The following KDM2A variants were observed in gnomAD, a reference collection of about 807,000 sequenced individuals.
The protein encoded by KDM2A is lysine demethylase 2A, also known as lysine-specific demethylase 2A.
In KDM2A, 3 loss-of-function variants were observed where a neutral mutation model predicts 137.3. That is an observed-to-expected ratio of 0.02 (90% confidence interval 0.01 to 0.06). The LOEUF is 0.06. Ranked by LOEUF, KDM2A falls within the 10% of genes least tolerant of loss-of-function variation. KDM2A has a pLI of 1.00. For missense variants in KDM2A, 738 were observed against 1,510.6 expected (o/e 0.49, Z 8.48); for synonymous variants, 512 against 541.5 (o/e 0.95, Z 0.76).
chr11:67,245,868 T>C lies in KDM2A; in HGVS notation c.1834-117T>C. 4.9e-6 allele frequency: 6 copies of C among 1,225,526 alleles called. No individual in the cohort carries two copies. In the South Asian group the frequency reaches 7.3e-5, roughly 15 times the overall value. The allele number at this position is 1,225,526 out of a possible 1,614,324, so 75.9% of individuals were successfully genotyped here. On this transcript the variant is annotated intron_variant, in intron 14 of 20. Transcript: ENST00000529006. This position sits in a 1 kb window ranked among gnomAD's most constrained non-coding sequence, Gnocchi z 4.1. Reference sequence around the variant, plus strand: ...CGTTCTCTCCACCCTGCCTCCATGCTTCCAGGTGTTTAGTAGAGAATTATA... The same window carrying C: ...CGTTCTCTCCACCCTGCCTCCATGCCTCCAGGTGTTTAGTAGAGAATTATA...
chr11:67,135,852 C>T (rs1039887239), intron 2 of KDM2A, among the ~76,000 whole-genome samples: 3 of 152,052 alleles, frequency 2.0e-5, no homozygotes, highest in African/African-American at 7.2e-5. Context: ...ATAAAGATGC[C>T]CTTGGAATTC....
rs752747030 is a variant in KDM2A at position 67,242,973 on chromosome 11, G to A, written c.1480-36G>A. On this transcript the variant is annotated intron_variant, in intron 12 of 20. Coordinates refer to ENST00000529006, the MANE Select transcript of KDM2A (RefSeq NM_012308.3). Reference sequence around the variant, plus strand: ...GGGTGGTTGGCTCTTTGTTCACCCTGCCCTGATTTTTCCTTCTTTTCCCTC... The same window carrying A: ...GGGTGGTTGGCTCTTTGTTCACCCTACCCTGATTTTTCCTTCTTTTCCCTC... The A allele has an allele frequency of 5.1e-6, 8 of 1,559,234 alleles. No homozygotes were observed. The African/African-American group carries it at 9.5e-5, about 19-fold the overall frequency.
At chr11:67,224,857 T>TG (rs1858487389) in intron 10 of KDM2A, among the ~76,000 whole-genome samples, 3 of 141,426 alleles carry the variant, frequency 2.1e-5, no homozygotes, top group Non-Finnish European at 4.6e-5. Flanking sequence ...TTTTTTTTTT[T>TG]GGAGACAGAG....
chr11:67,253,737 GAA>G, intron 19 of KDM2A, 126 bp downstream of exon 19: 1 of 975,244 alleles, frequency 1.0e-6, no homozygotes, highest in Non-Finnish European at 1.6e-6. Flanking sequence ...AGCACAAAAT[GAA>G]AACAGAATGA....
intron 5 of KDM2A, chr11:67,196,240 A>G (rs1405707001): frequency 4.4e-6 from 2 of 456,206 alleles, no homozygotes; most frequent in Non-Finnish European, 8.8e-6. Flanking sequence ...TGAGCCTCAG[A>G]TGCAGGCTAC....
chr11:67,149,761 C>T (rs181356248), intron 2 of KDM2A, among the ~76,000 whole-genome samples: 39 of 144,184 alleles, frequency 2.7e-4, no homozygotes, highest in African/African-American at 8.4e-4. Flanking sequence ...CTCTTTTTTG[C>T]CTAGGCTGGA....
At chr11:67,203,446 T>A (rs1169394255) in intron 5 of KDM2A, among the ~76,000 whole-genome samples, 1 of 68,452 alleles carries the variant, frequency 1.5e-5, no homozygotes, top group African/African-American at 5.7e-5. Context: ...AATATATTAA[T>A]ATAATTATAT....
intron 2 of KDM2A, among the ~76,000 whole-genome samples, chr11:67,138,248 C>T (rs1856013547): frequency 1.3e-5 from 2 of 152,072 alleles, no homozygotes; most frequent in South Asian, 4.1e-4. Flanking sequence ...TTCAGGTGCT[C>T]AAAACTTGTC....
rs35150844 is a variant in KDM2A, at chr11:67,201,193, C to CAAAA, written c.308-6309_308-6306dup. Reference sequence around the variant, plus strand: ...TGGGCGACTGAGCAAGACTCTGTCTCAAAAAAAAAAATATATATATATATA... The same window carrying CAAAA: ...TGGGCGACTGAGCAAGACTCTGTCTCAAAAAAAAAAAAAAATATATATATATATA... On this transcript the variant is annotated intron_variant, in intron 5 of 20. Transcript: ENST00000529006. Among the ~76,000 whole-genome samples the CAAAA allele has an allele frequency of 6.7e-3, 753 of 111,560 alleles. 1 individual carries two copies. Among genetic ancestry groups the CAAAA allele is most frequent in the Non-Finnish European group, 9.2e-3 (497 of 53,762 alleles). 73.2% of individuals were successfully genotyped at this position (111,560 alleles called of 152,430 possible). A position where few individuals can be genotyped will look rare whatever the true frequency, so the allele number is the denominator to read the frequency against.
At chr11:67,213,091 T>C (rs1423209176) in intron 6 of KDM2A, among the ~76,000 whole-genome samples, 1 of 152,208 alleles carries the variant, frequency 6.6e-6, no homozygotes, top group Non-Finnish European at 1.5e-5. Flanking sequence ...CTCCTCATCT[T>C]GTTTGTTTCT....
chr11:67,213,755 C>CA (rs71056186), intron 6 of KDM2A, among the ~76,000 whole-genome samples: 11,842 of 76,800 alleles, frequency 0.15, 757 homozygotes, highest in East Asian at 0.26. Context: ...CAGACCGTCT[C>CA]AAAAAAAAAA....
chr11:67,234,981 GAAAAAATAC>G (rs2136431550), intron 12 of KDM2A, among the ~76,000 whole-genome samples: 1 of 151,592 alleles, frequency 6.6e-6, no homozygotes. Flanking sequence ...CCCGTCTCTA[GAAAAAATAC>G]AAAAATTAGC....
At chr11:67,182,555 C>T (rs977034099) in intron 5 of KDM2A, among the ~76,000 whole-genome samples, 4 of 133,932 alleles carry the variant, frequency 3.0e-5, no homozygotes, top group Non-Finnish European at 6.2e-5. Flanking sequence ...TTTTTTGAGA[C>T]GCAGTCTCCC....
intron 5 of KDM2A, 129 bp from the exon 6 acceptor site, chr11:67,207,381 C>G: frequency 1.6e-6 from 1 of 620,580 alleles, no homozygotes. Flanking sequence ...TGAGTGAGAA[C>G]TTTTTCCTTG....
At chr11:67,146,471 T>A (rs79660270) in intron 2 of KDM2A, among the ~76,000 whole-genome samples, 5,607 of 152,140 alleles carry the variant, frequency 0.037, 440 homozygotes, top group Admixed American at 0.18. Flanking sequence ...TTGAATATAA[T>A]TTTCTATCTA....
intron 2 of KDM2A, among the ~76,000 whole-genome samples, chr11:67,167,937 C>T (rs1644719311): frequency 6.6e-6 from 1 of 152,030 alleles, no homozygotes; most frequent in Non-Finnish European, 1.5e-5. Flanking sequence ...TGTGCTCAGG[C>T]CATTTATCAT....
intron 2 of KDM2A, among the ~76,000 whole-genome samples, chr11:67,163,727 G>T (rs1000215326): frequency 6.6e-6 from 1 of 151,872 alleles, no homozygotes; most frequent in Non-Finnish European, 1.5e-5. Flanking sequence ...GTGGTGGTGC[G>T]TACCTGTAAT....
chr11:67,149,643 T>A (rs1357465234), intron 2 of KDM2A, among the ~76,000 whole-genome samples: 2 of 151,936 alleles, frequency 1.3e-5, no homozygotes, highest in African/African-American at 4.8e-5. Flanking sequence ...TACATACACA[T>A]GCATTTTAAT....
intron 10 of KDM2A, among the ~76,000 whole-genome samples, chr11:67,226,307 C>G (rs2136416612): frequency 6.6e-6 from 1 of 152,018 alleles, no homozygotes; most frequent in East Asian, 1.9e-4. Context: ...GCCAGAGATT[C>G]ATTTGATGGA....
Sources: gnomAD v4.1 joint callset for allele counts (sites outside exome capture counted in the v4.1 genomes callset) on GRCh38, gnomAD v4.1.1 for gene constraint, Gnocchi (gnomAD v3.1) non-coding constraint, MANE v1.5 for transcripts, NCBI Gene and HGNC (gene_info 2026-07-23, HGNC 2026-07-21) for gene names.